Variants in CPT1A observed in about 807,000 individuals in gnomAD.
CPT1A encodes carnitine palmitoyltransferase 1A.
CPT1A carries 64 observed loss-of-function variants against 100.8 expected under a neutral mutation model. The ratio of observed to expected loss-of-function variants is 0.63; its 90% CI spans 0.52 to 0.78. CPT1A has a LOEUF of 0.78. Ranked by LOEUF, CPT1A falls within the 30% of genes least tolerant of loss-of-function variation. CPT1A has a pLI of 0.00. For synonymous variants in CPT1A, 363 were observed against 396.0 expected, an observed-to-expected ratio of 0.92 and a Z score of 0.99; for missense variants, 802 against 1,034.1, an observed-to-expected ratio of 0.78 and a Z score of 3.08.
At chr11:68,823,834 A>G (rs569574423) in intron 1 of CPT1A, among the ~76,000 whole-genome samples, 1 of 152,226 alleles carries the variant, frequency 6.6e-6, no homozygotes, top group East Asian at 1.9e-4. Context: ...CCCTTGCAGT[A>G]ATATGGATGC....
At chr11:68,767,626 T>C (rs1388813203) in intron 14 of CPT1A, among the ~76,000 whole-genome samples, 1 of 152,154 alleles carries the variant, frequency 6.6e-6, no homozygotes, top group Non-Finnish European at 1.5e-5. Flanking sequence ...TAGACATCAC[T>C]TAATAGCTAT....
intron 1 of CPT1A, among the ~76,000 whole-genome samples, chr11:68,828,403 G>GCA (rs1555234194): frequency 2.0e-5 from 3 of 151,462 alleles, no homozygotes; most frequent in Non-Finnish European, 2.9e-5. Flanking sequence ...CTGGGTCAGG[G>GCA]CCCCCCACCT....
At chr11:68,843,184 A>T (rs1857193163), upstream of CPT1A, among the ~76,000 whole-genome samples, 1 of 151,174 alleles carries the variant, frequency 6.6e-6, no homozygotes, top group Non-Finnish European at 1.5e-5. The surrounding 1 kb of genome is among the most constrained non-coding windows in gnomAD (Gnocchi z 4.0). Flanking sequence ...GTTTTAAAGG[A>T]AGGCTAGGAT....
intron 18 of CPT1A, 50 bp from the exon 19 acceptor site, chr11:68,757,780 C>A: frequency 6.8e-7 from 1 of 1,469,230 alleles, no homozygotes; most frequent in East Asian, 2.3e-5. Context: ...TGGCCATCCC[C>A]ACATTTCAAG....
In CPT1A at chr11:68,817,418, C is replaced by T. The variant is rs1241822247; in HGVS notation, c.-13-1931G>A. Among the ~76,000 whole-genome samples, 4 of 152,146 alleles carry T rather than the reference C, an allele frequency of 2.6e-5. No homozygotes were observed. In the East Asian group the frequency reaches 5.8e-4, roughly 22 times the overall value. ...ACAAATATTTGTTGACTGCCTCCAA[C>T]GTGCCAGCCGAGGAGAAGAGCTGCA... is the stretch of plus-strand genomic sequence containing the variant. On this transcript the variant is annotated intron_variant, in intron 1 of 18. Coordinates refer to ENST00000265641, the MANE Select transcript of CPT1A (RefSeq NM_001876.4).
chr11:68,815,609 A>G, intron 1 of CPT1A, 122 bp from the exon 2 acceptor site: 2 of 971,860 alleles, frequency 2.1e-6, no homozygotes, highest in Non-Finnish European at 3.1e-6. Context: ...CAGATTTAAT[A>G]CTTTTCATCA....
rs201442697 is a variant in CPT1A at position 68,758,987 on chromosome 11, A to AG, written c.2235+581dup. On this transcript the variant is annotated intron_variant, in intron 18 of 18. Transcript: ENST00000265641. ...ACTTATGGCTGGGCACAGTGGCTGAAGCCTGTAATCCCAACACTGGGAGGC... is the reference window on the plus strand; with the variant it reads ...ACTTATGGCTGGGCACAGTGGCTGAAGGCCTGTAATCCCAACACTGGGAGGC... Among the ~76,000 whole-genome samples the AG allele has an allele frequency of 3.3e-3, 507 of 152,248 alleles. 3 individuals are homozygous for AG. Among genetic ancestry groups the AG allele is most frequent in the African/African-American group, 0.011 (466 of 41,546 alleles).
rs753741214 is a variant in CPT1A at position 68,812,546 on chromosome 11, T to C, written c.172A>G (p.Ser58Gly). The change falls in exon 3 of 19, where the codon AGC (serine) becomes GGC (glycine). Residue 58 changes from serine to glycine, a missense_variant. Physicochemically the swap from Ser to Gly is moderately conservative, Grantham distance 56. Around this residue, in one of 4 missense-constraint regions of CPT1A, gnomAD observed 161 missense variants for 183.7 expected, o/e 0.88. Transcript: ENST00000265641. ...ACCACGATAAGCCAACTGGAGGGGC[T>C]TGCCGGGTACACGCCAGTGATGATG... The part of the protein sequence containing the change: ...NGIITGVYPA[S>G]PSSWLIVVVG... 4 of 1,614,174 alleles carry C rather than the reference T, an allele frequency of 2.5e-6. No homozygotes were observed. In the South Asian group the frequency reaches 4.4e-5, roughly 18 times the overall value.
chr11:68,822,011 A>G (rs1856597927), intron 1 of CPT1A, among the ~76,000 whole-genome samples: 1 of 152,142 alleles, frequency 6.6e-6, no homozygotes, highest in African/African-American at 2.4e-5. Context: ...GAGAAATCAG[A>G]ATTCTCATGC....
chr11:68,771,082 T>G (rs1854975124), intron 14 of CPT1A, among the ~76,000 whole-genome samples: 1 of 152,198 alleles, frequency 6.6e-6, no homozygotes, highest in Non-Finnish European at 1.5e-5. Flanking sequence ...CCACGTGGGT[T>G]CTGGGGAGCA....
intron 10 of CPT1A, 97 bp downstream of exon 10, chr11:68,784,718 T>C: frequency 1.6e-6 from 2 of 1,218,580 alleles, no homozygotes; most frequent in Non-Finnish European, 2.3e-6. Context: ...GGGAGTCCCG[T>C]GCCAGGATTC....
chr11:68,771,641 G>GT (rs1854993229), intron 14 of CPT1A, among the ~76,000 whole-genome samples: 2 of 152,222 alleles, frequency 1.3e-5, no homozygotes, highest in African/African-American at 4.8e-5. Flanking sequence ...CTTCATAACT[G>GT]TGACAGTCTT....
chr11:68,835,258 A>C (rs1005627926), intron 1 of CPT1A, among the ~76,000 whole-genome samples: 6 of 152,118 alleles, frequency 3.9e-5, no homozygotes, highest in Admixed American at 1.3e-4. Context: ...CAGCATCGGC[A>C]CTCGGGCAGG....
intron 14 of CPT1A, among the ~76,000 whole-genome samples, chr11:68,767,914 C>T (rs1159514350): frequency 1.3e-5 from 2 of 152,088 alleles, no homozygotes; most frequent in East Asian, 1.9e-4. Context: ...CTTCCTTCCC[C>T]TCCTGCCTGC....
intron 1 of CPT1A, among the ~76,000 whole-genome samples, chr11:68,819,982 C>G (rs1383686316): frequency 6.6e-6 from 1 of 151,912 alleles, no homozygotes; most frequent in African/African-American, 2.4e-5. Flanking sequence ...TATAGCCGCA[C>G]CTACAGCAGT....
At chr11:68,794,680 A>G in intron 8 of CPT1A, 124 bp downstream of exon 8, 1 of 866,490 alleles carries the variant, frequency 1.2e-6, no homozygotes, top group Middle Eastern at 2.5e-4. Context: ...CAAAGTGCCA[A>G]GATTACAGGC....
At chr11:68,786,775 C>T (rs560922112) in intron 9 of CPT1A, among the ~76,000 whole-genome samples, 8 of 152,240 alleles carry the variant, frequency 5.3e-5, no homozygotes, top group Admixed American at 1.3e-4. Context: ...GTGATCCACC[C>T]GCCTCGGCCT....
chr11:68,832,403 T>C (rs531641837), intron 1 of CPT1A, among the ~76,000 whole-genome samples: 3 of 152,260 alleles, frequency 2.0e-5, no homozygotes, highest in South Asian at 2.1e-4. Flanking sequence ...TGAGCCAAGA[T>C]TGCACCACTG....
chr11:68,761,570 T>G lies in CPT1A; in HGVS notation c.1993A>C (p.Lys665Gln), dbSNP rs1566339751. 1 of 1,613,926 alleles carries G rather than the reference T, an allele frequency of 6.2e-7. No individual in the cohort carries two copies. The highest frequency in any genetic ancestry group is 1.1e-5 in the South Asian group (1 of 91,072). Residue 665 changes from lysine (K) to glutamine (Q), a missense_variant, in exon 16 of 19, where the codon AAA (lysine) becomes CAA (glutamine). Coordinates refer to ENST00000265641, the MANE Select transcript of CPT1A (RefSeq NM_001876.4). ...RHLFCLYVVS[K>Q]YLAVESPFLK... ...AAAGGGGACTCCACAGCGAGATATT[T>G]AGACACCACGTAAAGGCAGAAGAGG...
Sources: allele counts gnomAD v4.1 joint callset (sites outside exome capture counted in the v4.1 genomes callset), GRCh38; gene constraint gnomAD v4.1.1; regional missense constraint gnomAD v4.1.1; non-coding constraint Gnocchi (gnomAD v3.1); transcripts MANE v1.5; gene names NCBI Gene and HGNC (gene_info 2026-07-23, HGNC 2026-07-21).